TBC1D16: variants seen among roughly 807,000 people sequenced by gnomAD.
The protein encoded by TBC1D16 is TBC1 domain family member 16, also known as CTD-2529O21.1.
In TBC1D16, 58 loss-of-function variants were observed where a neutral mutation model predicts 74.7. The ratio of observed to expected loss-of-function variants is 0.78; its 90% CI spans 0.63 to 0.97. TBC1D16 has a LOEUF of 0.97. TBC1D16 is among the 50% of genes least tolerant of loss of function. The pLI is 0.00. For synonymous variants in TBC1D16, 493 were observed against 474.7 expected, an observed-to-expected ratio of 1.04 and a Z score of -0.50; for missense variants, 1,014 against 1,079.5, an observed-to-expected ratio of 0.94 and a Z score of 0.85.
At position 79,971,517 on chromosome 17, in the gene TBC1D16, G is replaced by A. The variant is rs947635375; in HGVS notation, c.780-18699C>T. 1.6e-4 allele frequency among the ~76,000 whole-genome samples: 25 copies of A among 152,290 alleles called. No individual in the cohort carries two copies. Among genetic ancestry groups the A allele is most frequent in the African/African-American group, 4.3e-4 (18 of 41,560 alleles). The stretch of plus-strand genomic sequence containing the variant: ...TTGAGTGACTCTTCTTCCAAAGTTC[G>A]TTCTGCAGGTTTACACACACTTGAA... On this transcript the variant is annotated intron_variant, in intron 3 of 11. Coordinates refer to ENST00000310924, the MANE Select transcript of TBC1D16 (RefSeq NM_019020.4). The surrounding 1 kb of genome is among the most constrained non-coding windows in gnomAD (Gnocchi z 4.6).
chr17:80,025,115 C>CACATACCATGACACACA (rs1378974240), intron 1 of TBC1D16, among the ~76,000 whole-genome samples: 22,657 of 77,700 alleles, frequency 0.29, 1,556 homozygotes, highest in Middle Eastern at 0.38. Flanking sequence ...CACACAAACA[C>CACATACCATGACACACA]CACAGACACA....
chr17:79,950,382 G>T lies in TBC1D16; in HGVS notation c.1257+29C>A, dbSNP rs769962272. 101 of 1,570,852 alleles carry T rather than the reference G, an allele frequency of 6.4e-5. 2 individuals carry two copies. The South Asian group carries it at 1.1e-3, about 17-fold the overall frequency. On this transcript the variant is annotated intron_variant, in intron 6 of 11. Transcript: ENST00000310924. The surrounding 1 kb of genome is among the most constrained non-coding windows in gnomAD (Gnocchi z 4.6). Reference sequence around the variant, plus strand: ...TCCCGGTTCCCGGCCGGCTCTCCGCGGGGCCAGCTGGGCGGACCCGGACCT... The same window carrying T: ...TCCCGGTTCCCGGCCGGCTCTCCGCTGGGCCAGCTGGGCGGACCCGGACCT...
At chr17:80,012,928 T>C (rs1005963075) in intron 2 of TBC1D16, among the ~76,000 whole-genome samples, 9 of 152,076 alleles carry the variant, frequency 5.9e-5, no homozygotes, top group African/African-American at 1.2e-4. Context: ...CACCACACAC[T>C]GGCACTGTGC....
intron 1 of TBC1D16, among the ~76,000 whole-genome samples, chr17:80,018,456 G>A (rs1434803962): frequency 6.7e-6 from 1 of 149,106 alleles, no homozygotes; most frequent in East Asian, 1.9e-4. Flanking sequence ...TAATTTTTTT[G>A]TATTTTTAGT....
chr17:79,990,574 T>G lies in TBC1D16; in HGVS notation c.779+19586A>C, dbSNP rs1330762929. Among the ~76,000 whole-genome samples, 2 of 152,234 alleles carry G rather than the reference T, an allele frequency of 1.3e-5. No individual in the cohort carries two copies. The highest frequency in any genetic ancestry group is 2.9e-5 in the Non-Finnish European group (2 of 68,040). On this transcript the variant is annotated intron_variant, in intron 3 of 11. Coordinates refer to ENST00000310924, the MANE Select transcript of TBC1D16 (RefSeq NM_019020.4). This position sits in a 1 kb window ranked among gnomAD's most constrained non-coding sequence, Gnocchi z 4.8. Reference sequence around the variant, plus strand: ...AAAGGTCTTAACTGATTTTTCCTTCTCTCTGTTTATTGTGGTAAAATGTCC... The same window carrying G: ...AAAGGTCTTAACTGATTTTTCCTTCGCTCTGTTTATTGTGGTAAAATGTCC...
intron 3 of TBC1D16, among the ~76,000 whole-genome samples, chr17:79,999,978 G>A (rs758348619): frequency 6.6e-6 from 1 of 152,144 alleles, no homozygotes; most frequent in Non-Finnish European, 1.5e-5. Flanking sequence ...AGGGGTCGAC[G>A]AGGCTGGGCC....
At chr17:79,951,325 T>G in intron 5 of TBC1D16, 125 bp downstream of exon 5, 1 of 1,205,616 alleles carries the variant, frequency 8.3e-7, no homozygotes. Context: ...AAAACTACCG[T>G]GGGTCACACC....
chr17:79,998,233 C>G (rs2035350762), intron 3 of TBC1D16, among the ~76,000 whole-genome samples: 1 of 151,672 alleles, frequency 6.6e-6, no homozygotes, highest in Non-Finnish European at 1.5e-5. Context: ...TCTTGAGCCC[C>G]CAGCAGGTGT....
Position 79,941,196 on chromosome 17 carries a change from C to T in TBC1D16, c.2056-89G>A, listed in dbSNP as rs1203458877. On this transcript the variant is annotated intron_variant, in intron 11 of 11. Coordinates refer to ENST00000310924, the MANE Select transcript of TBC1D16 (RefSeq NM_019020.4). This position sits in a 1 kb window ranked among gnomAD's most constrained non-coding sequence, Gnocchi z 4.3. ...TGGGAGTGGCCAAAGACAGCAACAG[C>T]AGCAACAACGGCCTGCACCTCGGGG... The T allele has an allele frequency of 4.5e-6, 6 of 1,332,206 alleles. No individual in the cohort carries two copies. Among genetic ancestry groups the T allele is most frequent in the Non-Finnish European group, 5.1e-6 (5 of 981,386 alleles). 82.5% of individuals were successfully genotyped at this position (1,332,206 alleles called of 1,614,324 possible). A position where few individuals can be genotyped will look rare whatever the true frequency, so the allele number is the denominator to read the frequency against.
Position 79,952,605 on chromosome 17 carries a change from G to C in TBC1D16, c.941+52C>G, listed in dbSNP as rs1010432056. On this transcript the variant is annotated intron_variant, in intron 4 of 11. Transcript: ENST00000310924. ...ACCGGCTGCAAAGCCCAGGCTGCCA[G>C]GGAAAACACACACAGGCCAACTCCC... The C allele has an allele frequency of 1.4e-5, 22 of 1,544,026 alleles. No individual in the cohort carries two copies. The African/African-American group carries it at 2.4e-4, about 17-fold the overall frequency.
chr17:79,968,681 G>C (rs956372069), intron 3 of TBC1D16, among the ~76,000 whole-genome samples: 1 of 151,618 alleles, frequency 6.6e-6, no homozygotes, highest in Admixed American at 6.6e-5. Context: ...GTGAAATCTT[G>C]TCTCTACTAA....
In TBC1D16 at chr17:79,987,489, C is replaced by T. The variant is rs957598917; in HGVS notation, c.779+22671G>A. Among the ~76,000 whole-genome samples the T allele has an allele frequency of 2.4e-4, 36 of 152,130 alleles. No homozygotes were observed. Among genetic ancestry groups the T allele is most frequent in the African/African-American group, 8.7e-4 (36 of 41,426 alleles). On this transcript the variant is annotated intron_variant, in intron 3 of 11. Coordinates refer to ENST00000310924, the MANE Select transcript of TBC1D16 (RefSeq NM_019020.4). The surrounding 1 kb of genome is among the most constrained non-coding windows in gnomAD (Gnocchi z 5.2). ...CTTGAACTCCTGGGCTCAAGCGCTC[C>T]TCCTGCCTCGGCCTCCCAAAGTGCT...
Position 79,950,821 on chromosome 17 carries a change from C to T in TBC1D16, c.1090-243G>A, listed in dbSNP as rs564899777. The T allele has an allele frequency of 2.6e-6, 4 of 1,535,034 alleles. No individual in the cohort carries two copies. The Admixed American group carries it at 5.9e-5, about 23-fold the overall frequency. Reference sequence around the variant, plus strand: ...CCCGGCCCACTGTGCCGCCGCCCCCCACTCTCTCCAACCCCAGCCGCAAAA... The same window carrying T: ...CCCGGCCCACTGTGCCGCCGCCCCCTACTCTCTCCAACCCCAGCCGCAAAA... On this transcript the variant is annotated intron_variant, in intron 5 of 11. Coordinates refer to ENST00000310924, the MANE Select transcript of TBC1D16 (RefSeq NM_019020.4). The surrounding 1 kb of genome is among the most constrained non-coding windows in gnomAD (Gnocchi z 4.6).
intron 1 of TBC1D16, among the ~76,000 whole-genome samples, chr17:80,031,770 C>A (rs1450638498): frequency 6.6e-6 from 1 of 152,146 alleles, no homozygotes; most frequent in East Asian, 1.9e-4. Flanking sequence ...AGACTAAACA[C>A]AAAGGGTAAG....
chr17:80,003,792 G>A (rs1311434050), intron 3 of TBC1D16, among the ~76,000 whole-genome samples: 1 of 152,234 alleles, frequency 6.6e-6, no homozygotes. Flanking sequence ...GCTCATGCCT[G>A]TAATCCCAGC....
chr17:79,964,521 G>A (rs777966584), intron 3 of TBC1D16, among the ~76,000 whole-genome samples: 2 of 152,068 alleles, frequency 1.3e-5, no homozygotes, highest in African/African-American at 2.4e-5. Context: ...TAAGACATTG[G>A]GGGGACACGA....
At chr17:80,004,785 G>A (rs977242481) in intron 3 of TBC1D16, among the ~76,000 whole-genome samples, 3 of 151,994 alleles carry the variant, frequency 2.0e-5, no homozygotes, top group South Asian at 2.1e-4. Context: ...AGCGATTCTC[G>A]TGCCTGAGCT....
In TBC1D16 at chr17:79,954,668, C is replaced by T. The variant is rs1200574800; in HGVS notation, c.780-1850G>A. On this transcript the variant is annotated intron_variant, in intron 3 of 11. Coordinates refer to ENST00000310924, the MANE Select transcript of TBC1D16 (RefSeq NM_019020.4). This position sits in a 1 kb window ranked among gnomAD's most constrained non-coding sequence, Gnocchi z 5.5. ...GGCAGGTCTCGAGTCTGAGGCCCCACCGCACCCATGGGTGCCCCCTTCTGT... is the reference window on the plus strand; with the variant it reads ...GGCAGGTCTCGAGTCTGAGGCCCCATCGCACCCATGGGTGCCCCCTTCTGT... Among the ~76,000 whole-genome samples, 1 of 152,204 alleles carries T rather than the reference C, an allele frequency of 6.6e-6. No individual in the cohort carries two copies. Among genetic ancestry groups the T allele is most frequent in the Non-Finnish European group, 1.5e-5 (1 of 68,032 alleles).
chr17:80,010,472 G>A lies in TBC1D16; in HGVS notation c.467C>T (p.Pro156Leu), dbSNP rs769277414. The A allele has an allele frequency of 4.3e-6, 7 of 1,610,242 alleles. No homozygotes were observed. The Admixed American group carries it at 5.0e-5, about 12-fold the overall frequency. ...CAGCTTCTCCTCATCCTCTGGCGCA[G>A]GGCTGGCGAGCATGCGGTCTGGAAC... Reference protein sequence around the residue: ...QSVPDRMLASPAPEDEEKLAQ... With the variant: ...QSVPDRMLASLAPEDEEKLAQ... Residue 156 changes from proline to leucine, a missense_variant, in exon 3 of 12, where the codon CCT becomes CTT. Coordinates refer to ENST00000310924, the MANE Select transcript of TBC1D16 (RefSeq NM_019020.4). The surrounding 1 kb of genome is among the most constrained non-coding windows in gnomAD (Gnocchi z 8.8).
Sources: gnomAD v4.1 joint callset for allele counts (sites outside exome capture counted in the v4.1 genomes callset) on GRCh38, gnomAD v4.1.1 for gene constraint, Gnocchi (gnomAD v3.1) non-coding constraint, MANE v1.5 for transcripts, NCBI Gene and HGNC (gene_info 2026-07-23, HGNC 2026-07-21) for gene names.